WDR19: variants seen among roughly 807,000 people sequenced by gnomAD.
WDR19 encodes WD repeat-containing protein 19.
In WDR19, 121 loss-of-function variants were observed where a neutral mutation model predicts 180.0. The observed-to-expected ratio is 0.67, with a 90% confidence interval of 0.58 to 0.78. The LOEUF (loss-of-function observed/expected upper bound fraction) is 0.78. WDR19 is among the 30% of genes least tolerant of loss of function. The pLI, the probability that WDR19 is intolerant of heterozygous loss-of-function variation, is 0.00. For missense variants in WDR19, 1,450 were observed against 1,640.7 expected (o/e 0.88, Z 2.01); for synonymous variants, 497 against 540.7 (o/e 0.92, Z 1.12).
chr4:39,270,193 A>T (rs1305860033), intron 31 of WDR19, 93 bp downstream of exon 31: 13 of 1,487,496 alleles, frequency 8.7e-6, no homozygotes, highest in Non-Finnish European at 1.2e-5. Context: ...GATTCGAGTG[A>T]TTGTCTAGAT....
intron 24 of WDR19, 138 bp downstream of exon 24, chr4:39,245,590 A>G: frequency 1.2e-6 from 1 of 808,690 alleles, no homozygotes; most frequent in Non-Finnish European, 2.0e-6. Context: ...TGTTGGCCTG[A>G]AGTGCCAGAC....
rs200266424 is a variant in WDR19 at position 39,245,394 on chromosome 4, C to T, written c.2671C>T (p.His891Tyr). Residue 891 changes from histidine to tyrosine, a missense_variant, in exon 24 of 37, where the codon CAC becomes TAC. Transcript: ENST00000399820. ...GGCAAAAGTTGGTGATCTTCTGCCC[C>T]ACGTTTCTTCTCCTAAGATCCATTT... The part of the protein sequence containing the change: ...NWAKVGDLLP[H>Y]VSSPKIHLQY... 1.3e-4 allele frequency: 207 copies of T among 1,613,638 alleles called. No individual in the cohort carries two copies. The African/African-American group carries it at 2.6e-3, about 20-fold the overall frequency.
chr4:39,252,249 A>G (rs1733286770), intron 24 of WDR19, among the ~76,000 whole-genome samples: 1 of 151,352 alleles, frequency 6.6e-6, no homozygotes, highest in African/African-American at 2.4e-5. Flanking sequence ...TCAGCAAACT[A>G]TTGCAAGGAC....
chr4:39,278,563 T>A lies in WDR19; in HGVS notation c.3942T>A (p.Cys1314Ter). ...GCATGCTAAACACTGAAAGCACATG[T>A]CCTATGTGTTCAGAAAGATTAAACG... Reference protein sequence around the residue: ...LKIMLNTESTCPMCSERLNAA... With the variant: ...LKIMLNTEST Residue 1314 changes from cysteine (C) to a stop codon, truncating the protein, a stop_gained, in exon 36 of 37, where the codon TGT (cysteine) becomes TGA (stop). Coordinates refer to ENST00000399820, the MANE Select transcript of WDR19 (RefSeq NM_025132.4). LOFTEE classifies it high-confidence loss of function. The A allele has an allele frequency of 6.2e-7, 1 of 1,613,540 alleles. No homozygotes were observed. The highest frequency in any genetic ancestry group is 8.5e-7 in the Non-Finnish European group (1 of 1,179,548).
At chr4:39,239,674 A>C (rs1005835963) in intron 20 of WDR19, among the ~76,000 whole-genome samples, 1 of 152,196 alleles carries the variant, frequency 6.6e-6, no homozygotes, top group Non-Finnish European at 1.5e-5. Context: ...CGAATTTAAA[A>C]AAAAATTAAT....
At chr4:39,211,936 AG>A (rs1272747886) in intron 9 of WDR19, among the ~76,000 whole-genome samples, 9 of 536 alleles carry the variant, frequency 0.017, no homozygotes, top group African/African-American at 0.019. Flanking sequence ...AGACAGAGAG[AG>A]AGAGAGAGAG....
Position 39,273,014 on chromosome 4 carries a change from C to T in WDR19, c.3518C>T (p.Ala1173Val), listed in dbSNP as rs1735526410. The change falls in exon 32 of 37, where the codon GCT becomes GTT. Residue 1173 changes from alanine to valine, a missense_variant. Coordinates refer to ENST00000399820, the MANE Select transcript of WDR19 (RefSeq NM_025132.4). ...AAAAATGGAGATCACATGAAAGGGG[C>T]TCGCATGCTCATTCGGGTGGCCAAC... is the stretch of plus-strand genomic sequence containing the variant. ...HVKNGDHMKGARMLIRVANNI... is the reference protein window; with the variant it reads ...HVKNGDHMKGVRMLIRVANNI... 1 of 1,605,296 alleles carries T rather than the reference C, an allele frequency of 6.2e-7. No homozygotes were observed.
Position 39,182,582 on chromosome 4 carries a change from C to T in WDR19, c.6+19C>T. 1 of 1,613,676 alleles carries T rather than the reference C, an allele frequency of 6.2e-7. No individual in the cohort carries two copies. On this transcript the variant is annotated intron_variant, in intron 1 of 36. Coordinates refer to ENST00000399820, the MANE Select transcript of WDR19 (RefSeq NM_025132.4). ...GATGAAGGTAAATAACTTACAAATT[C>T]CCGGGGTGGGGCGGGAAAACGCGAC...
chr4:39,203,826 C>A, intron 7 of WDR19, 104 bp downstream of exon 7: 1 of 1,116,032 alleles, frequency 9.0e-7, no homozygotes, highest in Non-Finnish European at 1.3e-6. Flanking sequence ...TAAATTAGGT[C>A]CATTGACTGT....
rs1732309195 is a variant in WDR19 at position 39,244,547 on chromosome 4, G to A, written c.2640G>A (p.Lys880=). Reference sequence around the variant, plus strand: ...CAGCATCTGTTTACATCCGCTCTAAGAATTGGTAAGAGCTGCCTGCGGTTT... The same window carrying A: ...CAGCATCTGTTTACATCCGCTCTAAAAATTGGTAAGAGCTGCCTGCGGTTT... ...DKAASVYIRS[K]NWAKVGDLLP... Residue 880 remains lysine (K), a synonymous_variant, in exon 23 of 37, where the codon AAG becomes AAA. Coordinates refer to ENST00000399820, the MANE Select transcript of WDR19 (RefSeq NM_025132.4). The A allele has an allele frequency of 6.2e-7, 1 of 1,613,904 alleles. No individual in the cohort carries two copies. Among genetic ancestry groups the A allele is most frequent in the Admixed American group, 1.7e-5 (1 of 60,010 alleles).
chr4:39,256,429 TG>T (rs1487876493), intron 27 of WDR19, among the ~76,000 whole-genome samples: 11 of 152,230 alleles, frequency 7.2e-5, no homozygotes, highest in Admixed American at 6.5e-4. Context: ...TAGGGACTAC[TG>T]AATGGCACAT....
chr4:39,278,694 G>T (rs1736158770), intron 36 of WDR19, 31 bp downstream of exon 36: 2 of 1,419,438 alleles, frequency 1.4e-6, no homozygotes, highest in African/African-American at 1.4e-5. Context: ...GCACCTTCTG[G>T]GCGCAAGGGC....
intron 7 of WDR19, among the ~76,000 whole-genome samples, chr4:39,204,660 G>GAGT (rs1727761465): frequency 6.6e-6 from 1 of 152,196 alleles, no homozygotes; most frequent in African/African-American, 2.4e-5. Context: ...TTACTTGCAT[G>GAGT]AGTAGCAAAG....
intron 21 of WDR19, 87 bp downstream of exon 21, chr4:39,240,421 T>G (rs1009989089): frequency 3.9e-6 from 3 of 769,408 alleles, no homozygotes; most frequent in Middle Eastern, 2.7e-4. Context: ...TTATTTGTAT[T>G]GTATTTAATA....
At chr4:39,273,987 G>T (rs558887568) in intron 32 of WDR19, 1 of 152,196 alleles carries the variant, frequency 6.6e-6, no homozygotes, top group Non-Finnish European at 1.5e-5. Context: ...TGTCACAACT[G>T]CTCAACTCTG....
At chr4:39,277,169 T>G (rs766697405) in intron 34 of WDR19, 26 bp downstream of exon 34, 4 of 1,574,286 alleles carry the variant, frequency 2.5e-6, no homozygotes, top group Non-Finnish European at 3.4e-6. Context: ...GTAATTTCCC[T>G]TTCTTTGCAT....
intron 24 of WDR19, among the ~76,000 whole-genome samples, chr4:39,246,291 A>C (rs1203948454): frequency 6.6e-6 from 1 of 152,226 alleles, no homozygotes; most frequent in Non-Finnish European, 1.5e-5. Context: ...GGATCACTTG[A>C]GGCCAGGAGT....
At chr4:39,254,637 A>AAT (rs1403646351) in intron 26 of WDR19, among the ~76,000 whole-genome samples, 1 of 152,154 alleles carries the variant, frequency 6.6e-6, no homozygotes, top group Non-Finnish European at 1.5e-5. Context: ...ATTGTGCTAA[A>AAT]ATATATATAA....
intron 27 of WDR19, among the ~76,000 whole-genome samples, chr4:39,256,399 G>A (rs554517569): frequency 3.3e-5 from 5 of 152,266 alleles, no homozygotes; most frequent in East Asian, 3.9e-4. Flanking sequence ...GTAAAGCTGC[G>A]CTTTGTTCAT....
Sources: gnomAD v4.1 joint callset for allele counts (sites outside exome capture counted in the v4.1 genomes callset) on GRCh38, gnomAD v4.1.1 for gene constraint, MANE v1.5 for transcripts, NCBI Gene and HGNC (gene_info 2026-07-23, HGNC 2026-07-21) for gene names.